The following DMXL2 variants were observed in gnomAD, a reference collection of about 807,000 sequenced individuals.
The protein encoded by DMXL2 is dmX-like protein 2.
Under a neutral mutation model 331.1 loss-of-function variants are expected in DMXL2, and 103 were observed. The ratio of observed to expected loss-of-function variants is 0.31; its 90% CI spans 0.27 to 0.37. The LOEUF (loss-of-function observed/expected upper bound fraction) is 0.37. DMXL2 is among the 10% of genes least tolerant of loss of function. The pLI is 1.00. For missense variants in DMXL2, 3,171 were observed against 3,642.9 expected, an observed-to-expected ratio of 0.87 and a Z score of 3.33; for synonymous variants, 1,281 against 1,252.1, an observed-to-expected ratio of 1.02 and a Z score of -0.49.
intron 6 of DMXL2, among the ~76,000 whole-genome samples, chr15:51,554,912 C>A (rs1217364116): frequency 6.6e-6 from 1 of 152,202 alleles, no homozygotes; most frequent in African/African-American, 2.4e-5. Context: ...AATCCCAGCA[C>A]TTTGGGAGAC....
intron 29 of DMXL2, 58 bp from the exon 30 acceptor site, chr15:51,466,369 T>C: frequency 1.6e-6 from 1 of 612,390 alleles, no homozygotes; most frequent in Non-Finnish European, 2.3e-6. Context: ...ACATATAAAA[T>C]ATATTTTATA....
intron 1 of DMXL2, 133 bp from the exon 2 acceptor site, chr15:51,576,314 A>C (rs1333045426): frequency 7.9e-6 from 5 of 631,032 alleles, no homozygotes; most frequent in Non-Finnish European, 1.2e-5. Context: ...AAAATAGTTA[A>C]TATAATATCA....
At chr15:51,457,926 CA>C (rs1347859679) in intron 36 of DMXL2, 3 of 154,552 alleles carry the variant, frequency 1.9e-5, no homozygotes, top group Non-Finnish European at 2.9e-5. Context: ...CACATACTAA[CA>C]AAAAAAAGAA....
At chr15:51,457,147 GC>G in intron 37 of DMXL2, 180 bp downstream of exon 37, 1 of 650,546 alleles carries the variant, frequency 1.5e-6, no homozygotes, top group Non-Finnish European at 2.5e-6. Flanking sequence ...ACTCCAGCCT[GC>G]GCGACAGAGC....
At chr15:51,458,423 T>A in intron 36 of DMXL2, 83 bp downstream of exon 36, 2 of 1,455,512 alleles carry the variant, frequency 1.4e-6, no homozygotes, top group East Asian at 2.3e-5. Context: ...GTATACCTTT[T>A]GAAATAATTC....
intron 1 of DMXL2, among the ~76,000 whole-genome samples, chr15:51,590,502 T>G (rs2052213651): frequency 6.6e-6 from 1 of 152,302 alleles, no homozygotes; most frequent in Middle Eastern, 3.4e-3. Context: ...TACTATTCTC[T>G]TTTCTATATC....
chr15:51,616,386 C>T (rs985952289), intron 1 of DMXL2, among the ~76,000 whole-genome samples: 3 of 152,072 alleles, frequency 2.0e-5, no homozygotes, highest in Non-Finnish European at 4.4e-5. Context: ...CAAAAACCCA[C>T]ACACACAAAA....
In DMXL2 at chr15:51,536,646, T is replaced by G; in HGVS notation, c.1834A>C (p.Met612Leu). The G allele has an allele frequency of 6.2e-7, 1 of 1,614,130 alleles. No individual in the cohort carries two copies. Among genetic ancestry groups the G allele is most frequent in the Non-Finnish European group, 8.5e-7 (1 of 1,179,996 alleles). Reference sequence around the variant, plus strand: ...GAACCATCTATGTGTTTAGAGATCATCATTACTGTGGGAGCTAAGATGTTC... The same window carrying G: ...GAACCATCTATGTGTTTAGAGATCAGCATTACTGTGGGAGCTAAGATGTTC... Reference protein sequence around the residue: ...HMNILAPTVMMISKHIDGSLN... With the variant: ...HMNILAPTVMLISKHIDGSLN... The change falls in exon 12 of 44, where the codon ATG (methionine) becomes CTG (leucine). Residue 612 changes from methionine (M) to leucine (L), a missense_variant. Around this residue, in one of 7 missense-constraint regions of DMXL2, gnomAD observed 1,674 missense variants for 1,780.2 expected, o/e 0.94. Transcript: ENST00000560891.
At chr15:51,568,978 C>T (rs1008577201) in intron 2 of DMXL2, among the ~76,000 whole-genome samples, 1 of 152,122 alleles carries the variant, frequency 6.6e-6, no homozygotes, top group South Asian at 2.1e-4. Context: ...CAGGGTGGGG[C>T]GTCACCTCAC....
At chr15:51,460,883 T>A (rs2040052884) in intron 33 of DMXL2, among the ~76,000 whole-genome samples, 1 of 152,194 alleles carries the variant, frequency 6.6e-6, no homozygotes, top group Non-Finnish European at 1.5e-5. Context: ...TCACTAACCA[T>A]ATGTAACTAT....
chr15:51,602,788 A>T (rs1414944227), intron 1 of DMXL2, among the ~76,000 whole-genome samples: 1 of 152,250 alleles, frequency 6.6e-6, no homozygotes, highest in African/African-American at 2.4e-5. Context: ...AAACCTTTCC[A>T]TCTCAACCCA....
Position 51,536,183 on chromosome 15 carries a change from A to G in DMXL2, c.2297T>C (p.Ile766Thr). Reference sequence around the variant, plus strand: ...ACACTTACCTAGACAGTAACTGGGAATGAGAGTTGGAAGCCAAGCCACATT... The same window carrying G: ...ACACTTACCTAGACAGTAACTGGGAGTGAGAGTTGGAAGCCAAGCCACATT... ...FSNVAWLPTL[I>T]PSYCLGTYCN... The change falls in exon 12 of 44, where the codon ATT becomes ACT. Residue 766 changes from isoleucine (I) to threonine (T), a missense_variant. This residue lies in a region of DMXL2 where 1,674 missense variants were observed against 1,780.2 expected (regional missense o/e 0.94). Coordinates refer to ENST00000560891, the MANE Select transcript of DMXL2 (RefSeq NM_001378457.1). 6.3e-7 allele frequency: 1 copy of G among 1,590,276 alleles called. No individual in the cohort carries two copies.
chr15:51,480,256 A>G, intron 24 of DMXL2, 117 bp from the exon 25 acceptor site: 2 of 1,090,104 alleles, frequency 1.8e-6, no homozygotes, highest in Non-Finnish European at 2.6e-6. Context: ...CACTCATTCT[A>G]CACAAATTTA....
intron 1 of DMXL2, among the ~76,000 whole-genome samples, chr15:51,596,177 A>G (rs1227138969): frequency 1.3e-5 from 2 of 152,248 alleles, no homozygotes; most frequent in Non-Finnish European, 2.9e-5. Context: ...CTCATCTGAC[A>G]AAGGGCTAAT....
intron 8 of DMXL2, among the ~76,000 whole-genome samples, chr15:51,542,779 C>G (rs182500783): frequency 6.6e-6 from 1 of 151,588 alleles, no homozygotes; most frequent in African/African-American, 2.4e-5. Flanking sequence ...ATTAGGAGGT[C>G]CAAAGATTTT....
chr15:51,462,487 C>G (rs550690922), intron 33 of DMXL2, among the ~76,000 whole-genome samples: 1 of 152,104 alleles, frequency 6.6e-6, no homozygotes, highest in East Asian at 1.9e-4. Context: ...AGACATGCGC[C>G]ACCACGCCCG....
chr15:51,495,152 A>G lies in DMXL2; in HGVS notation c.4673-18T>C. ...ATCTCTTCCTGTAATTTAAACAGGA[A>G]ATATGTTTAAGGAAAAAAGAATGCA... On this transcript the variant is annotated intron_variant, in intron 18 of 43. Coordinates refer to ENST00000560891, the MANE Select transcript of DMXL2 (RefSeq NM_001378457.1). 6.5e-7 allele frequency: 1 copy of G among 1,550,290 alleles called. No individual in the cohort carries two copies. The highest frequency in any genetic ancestry group is 8.9e-7 in the Non-Finnish European group (1 of 1,123,856).
chr15:51,468,195 C>T (rs1460509166), intron 29 of DMXL2, among the ~76,000 whole-genome samples: 1 of 152,172 alleles, frequency 6.6e-6, no homozygotes, highest in Non-Finnish European at 1.5e-5. Context: ...GCGAGCACCC[C>T]AGCATCTGTC....
rs775587747 is a variant in DMXL2, at chr15:51,536,866, A to C, written c.1618-4T>G. 3.8e-6 allele frequency: 6 copies of C among 1,589,836 alleles called. No homozygotes were observed. In the South Asian group the frequency reaches 6.9e-5, roughly 18 times the overall value. The stretch of plus-strand genomic sequence containing the variant: ...GAATCCGAGAAGAAAAAGAAACCTG[A>C]AAAACATAATTATATGATTCAGTGC... On this transcript the variant is annotated splice_region_variant and splice_polypyrimidine_tract_variant and intron_variant, in intron 11 of 43. Transcript: ENST00000560891.
Sources: gnomAD v4.1 joint callset for allele counts (sites outside exome capture counted in the v4.1 genomes callset) on GRCh38, gnomAD v4.1.1 for gene constraint, gnomAD v4.1.1 regional missense constraint, MANE v1.5 for transcripts, NCBI Gene and HGNC (gene_info 2026-07-23, HGNC 2026-07-21) for gene names.